The following ANKHD1 variants were observed in gnomAD, a reference collection of about 807,000 sequenced individuals.
ANKHD1 encodes ankyrin repeat and KH domain-containing protein 1.
ANKHD1 carries 31 observed loss-of-function variants against 230.5 expected under a neutral mutation model. The observed-to-expected ratio is 0.13, with a 90% CI of 0.10 to 0.18. The LOEUF is 0.18. Ranked by LOEUF, ANKHD1 falls within the 10% of genes least tolerant of loss-of-function variation. ANKHD1 has a pLI of 1.00. For missense variants in ANKHD1, 2,256 were observed against 3,071.3 expected, an observed-to-expected ratio of 0.73 and a Z score of 6.27; for synonymous variants, 1,074 against 1,117.6, an observed-to-expected ratio of 0.96 and a Z score of 0.78.
chr5:140,408,647 A>T (rs1476662010), intron 1 of ANKHD1, among the ~76,000 whole-genome samples: 1 of 152,090 alleles, frequency 6.6e-6, no homozygotes, highest in African/African-American at 2.4e-5. Flanking sequence ...ATCCTTTAAG[A>T]TTGTTTATGA....
At chr5:140,422,516 A>C (rs1772063491) in intron 1 of ANKHD1, among the ~76,000 whole-genome samples, 1 of 151,894 alleles carries the variant, frequency 6.6e-6, no homozygotes, top group Middle Eastern at 3.2e-3. Flanking sequence ...ATGAAAAAAT[A>C]TGTTCCCTGT....
chr5:140,417,366 T>A (rs889048642), intron 1 of ANKHD1, among the ~76,000 whole-genome samples: 1 of 151,770 alleles, frequency 6.6e-6, no homozygotes, highest in African/African-American at 2.4e-5. Context: ...GGATACATTC[T>A]CTTTTTTTTT....
chr5:140,483,458 T>C (rs1455984485), intron 11 of ANKHD1, among the ~76,000 whole-genome samples: 1 of 147,864 alleles, frequency 6.8e-6, no homozygotes, highest in African/African-American at 2.5e-5. Context: ...TTATCTTTTT[T>C]TTTTTTTTTT....
rs1472318686 is a variant in ANKHD1, at chr5:140,427,596, G to A, written c.307-8508G>A. On this transcript the variant is annotated intron_variant, in intron 1 of 33. Transcript: ENST00000360839. The stretch of plus-strand genomic sequence containing the variant: ...GGACGGGGCGGCTGGCCGGGCGGGG[G>A]GCTGACGCCCCCACCTCCCTCCCGG... Among the ~76,000 whole-genome samples, 5 of 142,496 alleles carry A rather than the reference G, an allele frequency of 3.5e-5. No homozygotes were observed. In the East Asian group the frequency reaches 1.1e-3, roughly 31 times the overall value. The allele number at this position is 142,496 out of a possible 152,430, so 93.5% of individuals were successfully genotyped here. A position where few individuals can be genotyped will look rare whatever the true frequency, so the allele number is the denominator to read the frequency against.
Position 140,527,294 on chromosome 5 carries a change from C to A in ANKHD1, c.5087+220C>A. The A allele has an allele frequency of 1.8e-6, 1 of 551,326 alleles. No homozygotes were observed. Among genetic ancestry groups the A allele is most frequent in the Non-Finnish European group, 2.8e-6 (1 of 353,110 alleles). The allele number at this position is 551,326 out of a possible 1,614,324, so 34.2% of individuals were successfully genotyped here. A position where few individuals can be genotyped will look rare whatever the true frequency, so the allele number is the denominator to read the frequency against. On this transcript the variant is annotated intron_variant, in intron 27 of 33. Coordinates refer to ENST00000360839, the MANE Select transcript of ANKHD1 (RefSeq NM_017747.3). This position sits in a 1 kb window ranked among gnomAD's most constrained non-coding sequence, Gnocchi z 4.5. ...AGAAATTTTGGCTTTTTTGGATAAC[C>A]TCAGTTGCTTTTTATGTAGTTCAAA...
At position 140,457,257 on chromosome 5, in the gene ANKHD1, T is replaced by G. The variant is rs1181860066; in HGVS notation, c.1243-1368T>G. Among the ~76,000 whole-genome samples, 4 of 152,302 alleles carry G rather than the reference T, an allele frequency of 2.6e-5. No homozygotes were observed. In the South Asian group the frequency reaches 6.2e-4, roughly 24 times the overall value. On this transcript the variant is annotated intron_variant, in intron 7 of 33. Coordinates refer to ENST00000360839, the MANE Select transcript of ANKHD1 (RefSeq NM_017747.3). Reference sequence around the variant, plus strand: ...AGGAACACTTTTACACTGTTGGTGGTACTGTTGACTAGTTCAACCATTGTG... The same window carrying G: ...AGGAACACTTTTACACTGTTGGTGGGACTGTTGACTAGTTCAACCATTGTG...
At chr5:140,427,062 G>A (rs1351182460) in intron 1 of ANKHD1, among the ~76,000 whole-genome samples, 3 of 152,048 alleles carry the variant, frequency 2.0e-5, no homozygotes, top group South Asian at 2.1e-4. Flanking sequence ...GTGGCCGGGC[G>A]GAGGGGCTCC....
intron 11 of ANKHD1, 129 bp downstream of exon 11, chr5:140,482,796 A>G (rs1293432792): frequency 1.0e-6 from 1 of 967,326 alleles, no homozygotes; most frequent in Non-Finnish European, 1.5e-6. Context: ...TTTTGTTATT[A>G]TATTTTATTT....
chr5:140,523,488 T>C (rs1218998061), intron 24 of ANKHD1, among the ~76,000 whole-genome samples: 1 of 151,898 alleles, frequency 6.6e-6, no homozygotes, highest in African/African-American at 2.4e-5. Flanking sequence ...TTTTTTTTTA[T>C]ATATTATAGA....
At chr5:140,536,551 G>C (rs190060896) in intron 30 of ANKHD1, among the ~76,000 whole-genome samples, 440 of 152,168 alleles carry the variant, frequency 2.9e-3, no homozygotes, top group Non-Finnish European at 5.0e-3. Flanking sequence ...GTTCCATTAA[G>C]AAACAAAGCT....
intron 15 of ANKHD1, among the ~76,000 whole-genome samples, chr5:140,504,067 T>G (rs1419311025): frequency 2.6e-5 from 4 of 152,086 alleles, no homozygotes; most frequent in African/African-American, 9.7e-5. Context: ...CCCACCCTTT[T>G]TTTTAGATGT....
chr5:140,526,833 A>G lies in ANKHD1; in HGVS notation c.4941-95A>G, dbSNP rs1298624940. The G allele has an allele frequency of 2.8e-6, 4 of 1,440,880 alleles. No homozygotes were observed. The South Asian group carries it at 5.0e-5, about 18-fold the overall frequency. The allele number at this position is 1,440,880 out of a possible 1,614,324, so 89.3% of individuals were successfully genotyped here. A position where few individuals can be genotyped will look rare whatever the true frequency, so the allele number is the denominator to read the frequency against. ...TTTGATGTGCCAAAGTTTAATACGAATATTTCAGCGTAACTCTGGCTATAA... is the reference window on the plus strand; with the variant it reads ...TTTGATGTGCCAAAGTTTAATACGAGTATTTCAGCGTAACTCTGGCTATAA... On this transcript the variant is annotated intron_variant, in intron 26 of 33. Coordinates refer to ENST00000360839, the MANE Select transcript of ANKHD1 (RefSeq NM_017747.3).
Position 140,485,461 on chromosome 5 carries a change from G to A in ANKHD1, c.1999-128G>A. On this transcript the variant is annotated intron_variant, in intron 12 of 33. Coordinates refer to ENST00000360839, the MANE Select transcript of ANKHD1 (RefSeq NM_017747.3). This position sits in a 1 kb window ranked among gnomAD's most constrained non-coding sequence, Gnocchi z 4.8. ...GTGTATATATATATAAATAATATGT[G>A]TATAGTTATAAAAATATGTTTGATC... 2.3e-6 allele frequency: 3 copies of A among 1,278,282 alleles called. No homozygotes were observed. The highest frequency in any genetic ancestry group is 2.1e-6 in the Non-Finnish European group (2 of 959,006). The allele number at this position is 1,278,282 out of a possible 1,614,324, so 79.2% of individuals were successfully genotyped here. A position where few individuals can be genotyped will look rare whatever the true frequency, so the allele number is the denominator to read the frequency against.
At chr5:140,460,896 A>G (rs1404751352) in intron 9 of ANKHD1, among the ~76,000 whole-genome samples, 1 of 152,136 alleles carries the variant, frequency 6.6e-6, no homozygotes, top group South Asian at 2.1e-4. Context: ...TTTTTCCTGA[A>G]CAAATACTGA....
At chr5:140,497,588 AT>A (rs1752088488) in intron 15 of ANKHD1, among the ~76,000 whole-genome samples, 1 of 152,154 alleles carries the variant, frequency 6.6e-6, no homozygotes, top group Non-Finnish European at 1.5e-5. Flanking sequence ...TCAAAGTAGA[AT>A]TTCTTTGTAG....
At chr5:140,442,033 C>CTTTTTTTTT (rs901282726) in intron 5 of ANKHD1, among the ~76,000 whole-genome samples, 3 of 86,906 alleles carry the variant, frequency 3.5e-5, no homozygotes, top group African/African-American at 4.7e-5. Flanking sequence ...ATAAGATATT[C>CTTTTTTTTT]TTTTTTTTTT....
intron 8 of ANKHD1, 120 bp downstream of exon 8, chr5:140,458,982 A>ATATATATATG: frequency 2.0e-4 from 2 of 10,210 alleles, no homozygotes; most frequent in Non-Finnish European, 3.7e-4. Context: ...ATATATATGC[A>ATATATATATG]TATATATATA....
chr5:140,428,574 C>G (rs372012852), intron 1 of ANKHD1, among the ~76,000 whole-genome samples: 2 of 150,610 alleles, frequency 1.3e-5, no homozygotes, highest in African/African-American at 4.9e-5. Flanking sequence ...GCAGTGAGCC[C>G]AGATGGCAGC....
chr5:140,467,720 A>G (rs541000659), intron 10 of ANKHD1, among the ~76,000 whole-genome samples: 4 of 152,344 alleles, frequency 2.6e-5, no homozygotes, highest in African/African-American at 9.6e-5. Flanking sequence ...ACCTATGAAT[A>G]AATTTTATTT....
Sources: allele counts gnomAD v4.1 joint callset (sites outside exome capture counted in the v4.1 genomes callset), GRCh38; gene constraint gnomAD v4.1.1; non-coding constraint Gnocchi (gnomAD v3.1); transcripts MANE v1.5; gene names NCBI Gene and HGNC (gene_info 2026-07-23, HGNC 2026-07-21).